The following ZC3H8 variants were observed in gnomAD, a reference collection of about 807,000 sequenced individuals.
The protein encoded by ZC3H8 is zinc finger CCCH-type containing 8, also known as zinc finger CCCH domain-containing protein 8.
A neutral mutation model predicts 42.5 loss-of-function variants in ZC3H8; 27 were observed. The observed-to-expected ratio is 0.64, with a 90% CI of 0.47 to 0.88. The LOEUF (loss-of-function observed/expected upper bound fraction) is 0.88. Among genes scored for constraint, ZC3H8 ranks in the 40% least tolerant of loss-of-function variants. The pLI is 0.00. For synonymous variants in ZC3H8, 101 were observed against 110.1 expected (o/e 0.92, Z 0.52); for missense variants, 277 against 336.1 (o/e 0.82, Z 1.37).
intron 4 of ZC3H8, among the ~76,000 whole-genome samples, chr2:112,234,618 C>T (rs1471516122): frequency 2.0e-5 from 3 of 152,000 alleles, no homozygotes; most frequent in Non-Finnish European, 2.9e-5. Flanking sequence ...CTGGCCAACA[C>T]AGTGAAACCT....
chr2:112,254,161 C>T, intron 1 of ZC3H8: 3 of 984,956 alleles, frequency 3.0e-6, no homozygotes, highest in Non-Finnish European at 3.6e-6. Flanking sequence ...TGACCAATAT[C>T]GAATGGTAAA....
At chr2:112,218,840 G>A (rs1163628688) in intron 8 of ZC3H8, among the ~76,000 whole-genome samples, 1 of 152,140 alleles carries the variant, frequency 6.6e-6, no homozygotes. Flanking sequence ...GCAGGGGTCA[G>A]TAACCCTAAC....
intron 2 of ZC3H8, among the ~76,000 whole-genome samples, chr2:112,246,014 A>AC (rs1685749369): frequency 6.6e-6 from 1 of 152,226 alleles, no homozygotes; most frequent in South Asian, 2.1e-4. Flanking sequence ...ATGCTCATTT[A>AC]CCAGTCTGAA....
At chr2:112,249,907 A>G (rs911690464) in intron 2 of ZC3H8, among the ~76,000 whole-genome samples, 2 of 152,246 alleles carry the variant, frequency 1.3e-5, no homozygotes, top group African/African-American at 4.8e-5. Context: ...AACTGTTTAC[A>G]GTCCATTTCA....
chr2:112,221,099 A>C (rs1261535699), intron 8 of ZC3H8, among the ~76,000 whole-genome samples: 1 of 152,208 alleles, frequency 6.6e-6, no homozygotes, highest in Admixed American at 6.5e-5. Flanking sequence ...GAAATGAGTC[A>C]TAGATTTGGT....
chr2:112,250,442 TAA>T (rs1044836790), intron 1 of ZC3H8, among the ~76,000 whole-genome samples, 170 bp from the exon 2 acceptor site: 1 of 152,222 alleles, frequency 6.6e-6, no homozygotes, highest in Non-Finnish European at 1.5e-5. Flanking sequence ...TGATGACCAA[TAA>T]ATGTCCATAT....
At chr2:112,252,830 T>C (rs2104672912) in intron 1 of ZC3H8, among the ~76,000 whole-genome samples, 1 of 152,280 alleles carries the variant, frequency 6.6e-6, no homozygotes, top group East Asian at 1.9e-4. Context: ...GAGGCTTTCC[T>C]TATCTACCTT....
intron 8 of ZC3H8, among the ~76,000 whole-genome samples, chr2:112,229,338 T>C (rs961596469): frequency 6.6e-6 from 1 of 152,226 alleles, no homozygotes; most frequent in Non-Finnish European, 1.5e-5. Flanking sequence ...TTTTCTTTTC[T>C]CCCTAGAGTT....
At chr2:112,254,218 G>A (rs1250027026) in intron 1 of ZC3H8, 1 of 905,020 alleles carries the variant, frequency 1.1e-6, no homozygotes, top group Non-Finnish European at 1.3e-6. Flanking sequence ...AATAAAAGAC[G>A]TAGGTTTAAG....
intron 2 of ZC3H8, 198 bp downstream of exon 2, chr2:112,249,993 A>T: frequency 5.1e-6 from 2 of 388,904 alleles, no homozygotes; most frequent in South Asian, 8.8e-5. Context: ...ATTAAATAAT[A>T]ATTTATTTAA....
At chr2:112,242,151 T>C (rs753456150) in intron 2 of ZC3H8, among the ~76,000 whole-genome samples, 12 of 152,198 alleles carry the variant, frequency 7.9e-5, no homozygotes, top group Non-Finnish European at 1.5e-4. Context: ...CAAAAGCATG[T>C]GACAAAAATC....
intron 8 of ZC3H8, among the ~76,000 whole-genome samples, chr2:112,220,215 A>G (rs543525015): frequency 2.3e-4 from 35 of 152,278 alleles, no homozygotes; most frequent in African/African-American, 8.2e-4. Flanking sequence ...TATTATGCAG[A>G]CATGTTTGTG....
intron 2 of ZC3H8, among the ~76,000 whole-genome samples, chr2:112,240,991 GTGTA>G (rs1408497238): frequency 1.2e-4 from 16 of 132,208 alleles, no homozygotes; most frequent in Non-Finnish European, 2.6e-4. Flanking sequence ...GTGTGCGCGT[GTGTA>G]TGTGTGTTGT....
chr2:112,213,408 A>G lies in ZC3H8; in HGVS notation c.*3076T>C, dbSNP rs934530479. 1.3e-5 allele frequency: 2 copies of G among 152,222 alleles called. No individual in the cohort carries two copies. Among genetic ancestry groups the G allele is most frequent in the African/African-American group, 4.8e-5 (2 of 41,544 alleles). 9.4% of individuals were successfully genotyped at this position (152,222 alleles called of 1,614,324 possible). A position where few individuals can be genotyped will look rare whatever the true frequency, so the allele number is the denominator to read the frequency against. On this transcript the variant is annotated 3_prime_UTR_variant, in exon 9 of 9. Coordinates refer to ENST00000409573, the MANE Select transcript of ZC3H8 (RefSeq NM_032494.3). ...TTAACATCTCGGGGTCTGAATTCCT[A>G]AAGTTCTACAATTGGATCAAGTTAA... is the stretch of plus-strand genomic sequence containing the variant.
chr2:112,243,681 T>G (rs1415742452), intron 2 of ZC3H8, among the ~76,000 whole-genome samples: 1 of 152,206 alleles, frequency 6.6e-6, no homozygotes, highest in Non-Finnish European at 1.5e-5. Flanking sequence ...ACTTGTTTTC[T>G]CTCCTTCATT....
intron 1 of ZC3H8, among the ~76,000 whole-genome samples, chr2:112,252,407 T>A (rs1231604661): frequency 6.6e-6 from 1 of 152,208 alleles, no homozygotes; most frequent in African/African-American, 2.4e-5. Flanking sequence ...ATACCCACGT[T>A]TGACCACTTC....
chr2:112,228,117 T>C (rs912148470), intron 8 of ZC3H8, among the ~76,000 whole-genome samples: 1 of 152,188 alleles, frequency 6.6e-6, no homozygotes, highest in Non-Finnish European at 1.5e-5. Context: ...GGAACACAAC[T>C]AAGTACAGAA....
intron 4 of ZC3H8, among the ~76,000 whole-genome samples, chr2:112,234,681 G>A (rs1289777028): frequency 1.3e-5 from 2 of 151,896 alleles, no homozygotes; most frequent in East Asian, 1.9e-4. Context: ...GCGCCTGTAA[G>A]CCCAGCTACT....
intron 8 of ZC3H8, among the ~76,000 whole-genome samples, chr2:112,225,140 T>C (rs1684762064): frequency 6.6e-6 from 1 of 152,224 alleles, no homozygotes; most frequent in South Asian, 2.1e-4. Context: ...TCCTGAGACT[T>C]TGCTGAATTT....
Sources: allele counts gnomAD v4.1 joint callset (sites outside exome capture counted in the v4.1 genomes callset), GRCh38; gene constraint gnomAD v4.1.1; transcripts MANE v1.5; gene names NCBI Gene and HGNC (gene_info 2026-07-23, HGNC 2026-07-21).